TTBK2: variants seen among roughly 807,000 people sequenced by gnomAD.
TTBK2 encodes tau-tubulin kinase 2.
In TTBK2, 28 loss-of-function variants were observed where a neutral mutation model predicts 110.8. The observed-to-expected ratio is 0.25, with a 90% CI of 0.19 to 0.35. The LOEUF is 0.35. Among genes scored for constraint, TTBK2 ranks in the 10% least tolerant of loss-of-function variants. The probability of loss-of-function intolerance (pLI) is 1.00; values close to 1 mark genes in which losing one functional copy is unlikely to be tolerated. For synonymous variants in TTBK2, 532 were observed against 527.3 expected (o/e 1.01, Z -0.12); for missense variants, 1,369 against 1,500.3 (o/e 0.91, Z 1.45).
chr15:42,758,800 C>T (rs1205658198), intron 13 of TTBK2, among the ~76,000 whole-genome samples: 1 of 152,150 alleles, frequency 6.6e-6, no homozygotes, highest in African/African-American at 2.4e-5. Context: ...GCCTCATCAG[C>T]CCTCACTGCC....
chr15:42,889,965 G>A (rs1461004576), intron 1 of TTBK2, among the ~76,000 whole-genome samples: 1 of 152,134 alleles, frequency 6.6e-6, no homozygotes, highest in African/African-American at 2.4e-5. Context: ...AGGAATGTCA[G>A]GCCTCTGAGC....
At chr15:42,787,180 G>A (rs1039932655) in intron 10 of TTBK2, among the ~76,000 whole-genome samples, 10 of 151,776 alleles carry the variant, frequency 6.6e-5, no homozygotes, top group African/African-American at 1.9e-4. Flanking sequence ...CTGTTTACAC[G>A]TTGGCCATGG....
At chr15:42,777,449 AT>A (rs1266676207) in intron 11 of TTBK2, among the ~76,000 whole-genome samples, 3 of 152,194 alleles carry the variant, frequency 2.0e-5, no homozygotes, top group Non-Finnish European at 4.4e-5. Context: ...TTTCAGTATT[AT>A]TTTAGGTTTT....
At position 42,767,688 on chromosome 15, in the gene TTBK2, G is replaced by A. The variant is rs188699466; in HGVS notation, c.1998+7447C>T. ...AGCCATATTCTACCAGAGGTACAAA[G>A]AGGAGCTGGTACCATTCTTTCTGAA... On this transcript the variant is annotated intron_variant, in intron 13 of 14. Coordinates refer to ENST00000267890, the MANE Select transcript of TTBK2 (RefSeq NM_173500.4). 1.3e-4 allele frequency among the ~76,000 whole-genome samples: 20 copies of A among 152,304 alleles called. No homozygotes were observed. In the East Asian group the frequency reaches 3.5e-3, roughly 26 times the overall value.
chr15:42,797,518 G>A (rs538567561), intron 9 of TTBK2, among the ~76,000 whole-genome samples: 15 of 152,270 alleles, frequency 9.9e-5, no homozygotes, highest in African/African-American at 3.6e-4. Context: ...ACTGGGCAGA[G>A]GTCTGCAGAT....
At chr15:42,786,147 C>T (rs138868653) in intron 10 of TTBK2, among the ~76,000 whole-genome samples, 8 of 148,520 alleles carry the variant, frequency 5.4e-5, no homozygotes, top group African/African-American at 2.0e-4. Flanking sequence ...AAAAAAAAAA[C>T]TTACAACCTA....
intron 13 of TTBK2, among the ~76,000 whole-genome samples, chr15:42,771,711 C>T (rs972709390): frequency 6.6e-6 from 1 of 152,064 alleles, no homozygotes; most frequent in Non-Finnish European, 1.5e-5. Flanking sequence ...GGTACTGTTC[C>T]TTCTTTGTGC....
intron 1 of TTBK2, among the ~76,000 whole-genome samples, chr15:42,909,514 AT>A (rs777937688): frequency 4.6e-5 from 7 of 152,208 alleles, no homozygotes; most frequent in Non-Finnish European, 1.0e-4. Context: ...AAGAGCCTTA[AT>A]TTAATCATAT....
At chr15:42,890,831 G>A (rs546570020) in intron 1 of TTBK2, among the ~76,000 whole-genome samples, 6 of 152,214 alleles carry the variant, frequency 3.9e-5, no homozygotes, top group African/African-American at 1.2e-4. Context: ...TCAATCACAT[G>A]GCCAATGATT....
At chr15:42,899,516 G>A (rs1386829950) in intron 1 of TTBK2, among the ~76,000 whole-genome samples, 11 of 151,928 alleles carry the variant, frequency 7.2e-5, no homozygotes, top group South Asian at 2.1e-4. Flanking sequence ...CGAGGCAGGC[G>A]GATCACGAGG....
intron 1 of TTBK2, among the ~76,000 whole-genome samples, chr15:42,900,649 G>A (rs1402969858): frequency 1.3e-5 from 2 of 152,074 alleles, no homozygotes; most frequent in African/African-American, 4.8e-5. Flanking sequence ...TTGAACCCGG[G>A]AGGTGGAGGT....
Position 42,827,588 on chromosome 15 carries a change from G to A in TTBK2, c.537+340C>T, listed in dbSNP as rs905663187. Reference sequence around the variant, plus strand: ...GTGTGGCACCAAATAGAGAATATCAGTGAAGTGGATATTTGGGAGTGGATT... The same window carrying A: ...GTGTGGCACCAAATAGAGAATATCAATGAAGTGGATATTTGGGAGTGGATT... On this transcript the variant is annotated intron_variant, in intron 6 of 14. Transcript: ENST00000267890. 2.8e-4 allele frequency among the ~76,000 whole-genome samples: 42 copies of A among 152,204 alleles called. 1 individual carries two copies. Among genetic ancestry groups the A allele is most frequent in the African/African-American group, 9.9e-4 (41 of 41,444 alleles).
rs1024632397 is a variant in TTBK2, at chr15:42,814,180, C to A, written c.604-2400G>T. Among the ~76,000 whole-genome samples, 12 of 152,176 alleles carry A rather than the reference C, an allele frequency of 7.9e-5. No homozygotes were observed. In the East Asian group the frequency reaches 2.1e-3, roughly 27 times the overall value. On this transcript the variant is annotated intron_variant, in intron 7 of 14. Transcript: ENST00000267890. The stretch of plus-strand genomic sequence containing the variant: ...GAGATTACAGGCGCCCGCCACCACA[C>A]CCAGCTAATTTTTATATTTTTAGTA...
chr15:42,803,156 T>C (rs2140902432), intron 9 of TTBK2, among the ~76,000 whole-genome samples: 1 of 152,362 alleles, frequency 6.6e-6, no homozygotes, highest in African/African-American at 2.4e-5. Context: ...CCCTCACTAA[T>C]ACATGTACTT....
chr15:42,865,777 C>T (rs1894351342), intron 3 of TTBK2, among the ~76,000 whole-genome samples: 1 of 152,038 alleles, frequency 6.6e-6, no homozygotes, highest in Admixed American at 6.6e-5. Flanking sequence ...TAGCTATGAT[C>T]ACACCGCTGT....
chr15:42,805,923 A>T (rs1891446599), intron 9 of TTBK2, among the ~76,000 whole-genome samples: 1 of 152,228 alleles, frequency 6.6e-6, no homozygotes, highest in South Asian at 2.1e-4. Flanking sequence ...AGAGCTGTAC[A>T]ACTTGACTAA....
chr15:42,801,380 G>T (rs1487554904), intron 9 of TTBK2: 1 of 1,375,388 alleles, frequency 7.3e-7, no homozygotes. Context: ...CATCCTTAAT[G>T]GCTAGCTCCC....
chr15:42,883,793 G>A (rs1263291168), intron 1 of TTBK2, among the ~76,000 whole-genome samples: 1 of 152,004 alleles, frequency 6.6e-6, no homozygotes, highest in African/African-American at 2.4e-5. Flanking sequence ...AAAAGACAGA[G>A]ATTAGCAGGA....
chr15:42,916,022 A>G (rs1056379378), intron 1 of TTBK2, among the ~76,000 whole-genome samples: 3 of 152,060 alleles, frequency 2.0e-5, no homozygotes, highest in African/African-American at 7.2e-5. Flanking sequence ...GAAAAAAGAA[A>G]AGAGAGAGAG....
Sources: gnomAD v4.1 joint callset for allele counts (sites outside exome capture counted in the v4.1 genomes callset) on GRCh38, gnomAD v4.1.1 for gene constraint, MANE v1.5 for transcripts, NCBI Gene and HGNC (gene_info 2026-07-23, HGNC 2026-07-21) for gene names.